Variants in DOCK9 observed in about 807,000 individuals in gnomAD.
The protein encoded by DOCK9 is dedicator of cytokinesis 9.
Under a neutral mutation model 263.3 loss-of-function variants are expected in DOCK9, and 89 were observed. The ratio of observed to expected loss-of-function variants is 0.34; its 90% CI spans 0.28 to 0.40. The LOEUF (loss-of-function observed/expected upper bound fraction) is 0.40, where lower values mean the gene tolerates loss of function less well. DOCK9 is among the 10% of genes least tolerant of loss of function. DOCK9 has a pLI of 1.00. For missense variants in DOCK9, 2,140 were observed against 2,603.4 expected, an observed-to-expected ratio of 0.82 and a Z score of 3.87; for synonymous variants, 976 against 973.1, an observed-to-expected ratio of 1.00 and a Z score of -0.06.
intron 34 of DOCK9, among the ~76,000 whole-genome samples, chr13:98,855,589 A>C (rs1381838306): frequency 6.6e-6 from 1 of 152,032 alleles, no homozygotes; most frequent in African/African-American, 2.4e-5. Flanking sequence ...AAATAAATAA[A>C]TAAAAAGACT....
intron 26 of DOCK9, 114 bp from the exon 27 acceptor site, chr13:98,880,083 G>T: frequency 1.3e-6 from 1 of 742,822 alleles, no homozygotes; most frequent in Non-Finnish European, 2.2e-6. Flanking sequence ...CCTAAAACAC[G>T]GCTGCACCTC....
At chr13:98,902,262 G>A (rs1451891779) in intron 12 of DOCK9, 26 bp downstream of exon 12, 1 of 1,609,406 alleles carries the variant, frequency 6.2e-7, no homozygotes, top group East Asian at 2.2e-5. Context: ...TCTGAGTAGT[G>A]GGAATGCTGG....
At chr13:98,798,353 C>G (rs2139847388) in intron 50 of DOCK9, among the ~76,000 whole-genome samples, 2 of 152,270 alleles carry the variant, frequency 1.3e-5, no homozygotes, top group East Asian at 3.9e-4. Context: ...GGCAGGAAAA[C>G]TGAGCCACAG....
intron 1 of DOCK9, among the ~76,000 whole-genome samples, chr13:99,041,496 GT>G (rs1445939923): frequency 2.2e-5 from 3 of 133,496 alleles, no homozygotes; most frequent in African/African-American, 8.4e-5. Context: ...AAAAAAAAAA[GT>G]TTTACCACAA....
intron 1 of DOCK9, among the ~76,000 whole-genome samples, chr13:99,052,454 A>C (rs1345951789): frequency 6.6e-6 from 1 of 152,238 alleles, no homozygotes; most frequent in East Asian, 1.9e-4. Flanking sequence ...TCCGTATCCA[A>C]GGGTTCCATG....
chr13:99,048,153 A>C (rs1007205998), intron 1 of DOCK9, among the ~76,000 whole-genome samples: 2 of 152,230 alleles, frequency 1.3e-5, no homozygotes, highest in African/African-American at 4.8e-5. Flanking sequence ...ACGGTGTTTA[A>C]AAGTGTTCAT....
Position 99,030,244 on chromosome 13 carries a change from G to A in DOCK9, c.129+55979C>T, listed in dbSNP as rs368274258. 1.6e-3 allele frequency among the ~76,000 whole-genome samples: 246 copies of A among 152,318 alleles called. 9 individuals are homozygous for A. In the South Asian group the frequency reaches 0.048, roughly 30 times the overall value. On this transcript the variant is annotated intron_variant, in intron 1 of 32. Transcript: ENST00000427887. The stretch of plus-strand genomic sequence containing the variant: ...GTTGAATTGTACATTAAAATTCAGA[G>A]TGCTGTAAAATAAAAGACTAGGAAA...
chr13:99,043,322 C>A (rs950000757), intron 1 of DOCK9, among the ~76,000 whole-genome samples: 2 of 152,174 alleles, frequency 1.3e-5, no homozygotes, highest in African/African-American at 4.8e-5. Context: ...TCCAGCTGGC[C>A]CTGAAGACAG....
intron 35 of DOCK9, 30 bp downstream of exon 35, chr13:98,853,378 C>T (rs9513497): frequency 0.5 from 738,356 of 1,464,336 alleles, 190,053 homozygotes; most frequent in Non-Finnish European, 0.53. Flanking sequence ...CTGAAACGAG[C>T]AAAACAGAAA....
intron 34 of DOCK9, among the ~76,000 whole-genome samples, chr13:98,855,658 T>G (rs1252770080): frequency 6.6e-6 from 1 of 152,070 alleles, no homozygotes; most frequent in African/African-American, 2.4e-5. Flanking sequence ...ACCAGAGCCA[T>G]TCACTCAAGA....
intron 41 of DOCK9, among the ~76,000 whole-genome samples, chr13:98,830,650 C>T (rs1339522115): frequency 6.6e-6 from 1 of 152,178 alleles, no homozygotes; most frequent in Non-Finnish European, 1.5e-5. Flanking sequence ...CCTTCACATC[C>T]TCTAGGTGCC....
chr13:98,989,376 AATG>A (rs112029678), intron 1 of DOCK9, among the ~76,000 whole-genome samples: 27,466 of 120,530 alleles, frequency 0.23, 2,792 homozygotes, highest in South Asian at 0.32. Flanking sequence ...TAATAATAAT[AATG>A]ATAATACAGA....
intron 26 of DOCK9, 70 bp from the exon 27 acceptor site, chr13:98,880,039 G>GC: frequency 8.3e-7 from 1 of 1,204,732 alleles, no homozygotes; most frequent in South Asian, 1.4e-5. Flanking sequence ...ACTCTCTCAG[G>GC]CTGACAATAT....
At chr13:98,939,518 C>A (rs2055464528) in intron 2 of DOCK9, among the ~76,000 whole-genome samples, 1 of 152,074 alleles carries the variant, frequency 6.6e-6, no homozygotes. Context: ...ACCTGAGGAC[C>A]TTATGCATTT....
At chr13:99,055,122 A>C (rs1329342408) in intron 1 of DOCK9, among the ~76,000 whole-genome samples, 2 of 152,232 alleles carry the variant, frequency 1.3e-5, no homozygotes, top group Non-Finnish European at 2.9e-5. Flanking sequence ...ATGGATTAGC[A>C]AAAAATAATA....
intron 2 of DOCK9, 92 bp downstream of exon 2, chr13:98,955,343 T>C: frequency 2.4e-6 from 2 of 825,380 alleles, no homozygotes; most frequent in Non-Finnish European, 1.8e-6. Flanking sequence ...TAATAATAAT[T>C]AACTAACCAA....
At position 98,872,513 on chromosome 13, in the gene DOCK9, C is replaced by T. The variant is rs532757110; in HGVS notation, c.2944-4136G>A. Among the ~76,000 whole-genome samples the T allele has an allele frequency of 1.5e-4, 23 of 152,092 alleles. No individual in the cohort carries two copies. In the South Asian group the frequency reaches 4.4e-3, roughly 29 times the overall value. ...CCTCATCCTCCAGGGCTCAAGCAAT[C>T]GTCTCACCTCAGTCTCCTGAGTAGC... On this transcript the variant is annotated intron_variant, in intron 27 of 52. Transcript: ENST00000682017.
rs1300469051 is a variant in DOCK9, at chr13:98,797,430, T to C, written c.5976A>G (p.Arg1992=). ...GCAGCTTCACTTTATTGTCAGGATA[T>C]CGCTTTGTGTTTGTATCATCTAAGA... ...RAFLDDTNTK[R]YPDNKVKLLK... is the part of the protein sequence containing the mutation. Residue 1992 remains arginine, a synonymous_variant, in exon 51 of 53, where the codon CGA becomes CGG. Coordinates refer to ENST00000682017, the MANE Select transcript of DOCK9 (RefSeq NM_001366683.2). 3 of 1,613,714 alleles carry C rather than the reference T, an allele frequency of 1.9e-6. No homozygotes were observed. In the East Asian group the frequency reaches 6.7e-5, roughly 36 times the overall value.
intron 34 of DOCK9, chr13:98,854,632 G>A (rs1382891715): frequency 6.6e-6 from 1 of 152,082 alleles, no homozygotes; most frequent in Non-Finnish European, 1.5e-5. Flanking sequence ...ATCATTAGAA[G>A]GGAAAAATCC....
Sources: gnomAD v4.1 joint callset for allele counts (sites outside exome capture counted in the v4.1 genomes callset) on GRCh38, gnomAD v4.1.1 for gene constraint, MANE v1.5 for transcripts, NCBI Gene and HGNC (gene_info 2026-07-23, HGNC 2026-07-21) for gene names.